FOXO3B: variants seen among roughly 807,000 people sequenced by gnomAD.
FOXO3B encodes forkhead box protein O3B.
FOXO3B carries 15 observed loss-of-function variants against 21.9 expected under a neutral mutation model. The ratio of observed to expected loss-of-function variants is 0.68; its 90% CI spans 0.46 to 1.05. The LOEUF (loss-of-function observed/expected upper bound fraction) is 1.05. Ranked by LOEUF, FOXO3B falls within the 50% of genes least tolerant of loss-of-function variation. The pLI, the probability that FOXO3B is intolerant of heterozygous loss-of-function variation, is 0.00. For missense variants in FOXO3B, 293 were observed against 435.5 expected, an observed-to-expected ratio of 0.67 and a Z score of 2.91; for synonymous variants, 135 against 213.6, an observed-to-expected ratio of 0.63 and a Z score of 3.21.
Position 18,671,965 on chromosome 17 carries a change from C to G in FOXO3B, c.*344G>C, listed in dbSNP as rs2032375492. 1.9e-6 allele frequency: 3 copies of G among 1,613,398 alleles called. No homozygotes were observed. Among genetic ancestry groups the G allele is most frequent in the Non-Finnish European group, 2.5e-6 (3 of 1,179,704 alleles). On this transcript the variant is annotated 3_prime_UTR_variant, in exon 4 of 4. Transcript: ENST00000395675. ...TGCCATGATGGGCGACAGGCGGCCA[C>G]TGACTGTGCTGGCGTTAGAATTGGT...
chr17:18,672,015 A>C lies in FOXO3B; in HGVS notation c.*294T>G. The C allele has an allele frequency of 6.2e-7, 1 of 1,612,004 alleles. No individual in the cohort carries two copies. Among genetic ancestry groups the C allele is most frequent in the Non-Finnish European group, 8.5e-7 (1 of 1,179,072 alleles). Reference sequence around the variant, plus strand: ...TGCGTGAACGGAAGTCCGTCCACGCATCCAGCTCATCACTGCTGCGTGACG... The same window carrying C: ...TGCGTGAACGGAAGTCCGTCCACGCCTCCAGCTCATCACTGCTGCGTGACG... On this transcript the variant is annotated 3_prime_UTR_variant, in exon 4 of 4. Transcript: ENST00000395675. The surrounding 1 kb of genome is among the most constrained non-coding windows in gnomAD (Gnocchi z 4.2).
intron 3 of FOXO3B, 73 bp downstream of exon 3, chr17:18,680,668 C>T: frequency 7.3e-7 from 1 of 1,361,992 alleles, no homozygotes; most frequent in East Asian, 2.3e-5. Flanking sequence ...AGAAACTCCA[C>T]ATCACAAAGA....
At position 18,670,175 on chromosome 17, in the gene FOXO3B, A is replaced by T. The variant is rs1421561564; in HGVS notation, c.*2134T>A. On this transcript the variant is annotated 3_prime_UTR_variant, in exon 4 of 4. Coordinates refer to ENST00000395675, the MANE Select transcript of FOXO3B (RefSeq NM_001368135.1). ...ATCACCCTGACTCAGAACTGGAAAC[A>T]CACTGGGCTGGACGCTGTGCTCCAC... 1.3e-5 allele frequency among the ~76,000 whole-genome samples: 2 copies of T among 152,230 alleles called. No homozygotes were observed. The highest frequency in any genetic ancestry group is 4.8e-5 in the African/African-American group (2 of 41,460).
At chr17:18,676,473 T>C (rs898238421) in intron 3 of FOXO3B, among the ~76,000 whole-genome samples, 11 of 152,184 alleles carry the variant, frequency 7.2e-5, no homozygotes, top group Non-Finnish European at 1.6e-4. Context: ...ATAAACATAA[T>C]TCATATATAT....
At position 18,670,475 on chromosome 17, in the gene FOXO3B, T is replaced by A. The variant is rs934601725; in HGVS notation, c.*1834A>T. On this transcript the variant is annotated 3_prime_UTR_variant, in exon 4 of 4. Transcript: ENST00000395675. ...ATTTTAACAGAAAAATACCGCAAGT[T>A]AATGCATGTGAAAAACTCAGAAAGT... 6.6e-6 allele frequency among the ~76,000 whole-genome samples: 1 copy of A among 152,188 alleles called. No homozygotes were observed. Among genetic ancestry groups the A allele is most frequent in the Non-Finnish European group, 1.5e-5 (1 of 68,030 alleles).
intron 3 of FOXO3B, among the ~76,000 whole-genome samples, chr17:18,676,469 A>G (rs2032483855): frequency 6.6e-6 from 1 of 152,252 alleles, no homozygotes; most frequent in Non-Finnish European, 1.5e-5. Context: ...ATGAATAAAC[A>G]TAATTCATAT....
rs545435991 is a variant in FOXO3B, at chr17:18,682,231, C to A, written c.-223G>T. On this transcript the variant is annotated 5_prime_UTR_variant, in exon 1 of 4. Transcript: ENST00000395675. ...CCCATCCCGGGCCTCACAAAGGGGACGAACTTCTTTGGCCAGCTCGGAGTC... is the reference window on the plus strand; with the variant it reads ...CCCATCCCGGGCCTCACAAAGGGGAAGAACTTCTTTGGCCAGCTCGGAGTC... The A allele has an allele frequency of 8.0e-5, 54 of 677,374 alleles. No individual in the cohort carries two copies. The African/African-American group carries it at 9.0e-4, about 11-fold the overall frequency. The allele number at this position is 677,374 out of a possible 1,614,324, so 42.0% of individuals were successfully genotyped here.
At chr17:18,675,001 A>T (rs1216554551) in intron 3 of FOXO3B, among the ~76,000 whole-genome samples, 2 of 152,184 alleles carry the variant, frequency 1.3e-5, no homozygotes, top group Non-Finnish European at 2.9e-5. Context: ...TAACTCAGTG[A>T]TATTACCTCC....
At chr17:18,675,992 A>G (rs1333789132) in intron 3 of FOXO3B, among the ~76,000 whole-genome samples, 1 of 152,180 alleles carries the variant, frequency 6.6e-6, no homozygotes, top group African/African-American at 2.4e-5. Flanking sequence ...AGAAGAACCA[A>G]TTTCTTCTCA....
At position 18,668,844 on chromosome 17, in the gene FOXO3B, G is replaced by T. The variant is rs2032313394; in HGVS notation, c.*3465C>A. ...TTCTTGCATACAGCACATTACTAAA[G>T]AATCCAGGAAGTGGCTAGCATTATT... On this transcript the variant is annotated 3_prime_UTR_variant, in exon 4 of 4. Coordinates refer to ENST00000395675, the MANE Select transcript of FOXO3B (RefSeq NM_001368135.1). The T allele has an allele frequency of 6.6e-6, 1 of 152,108 alleles. No homozygotes were observed. The highest frequency in any genetic ancestry group is 2.4e-5 in the African/African-American group (1 of 41,404). The allele number at this position is 152,108 out of a possible 1,614,324, so 9.4% of individuals were successfully genotyped here. A position where few individuals can be genotyped will look rare whatever the true frequency, so the allele number is the denominator to read the frequency against.
At chr17:18,674,487 G>A (rs1413466031) in intron 3 of FOXO3B, among the ~76,000 whole-genome samples, 3 of 150,612 alleles carry the variant, frequency 2.0e-5, no homozygotes, top group Non-Finnish European at 4.4e-5. Flanking sequence ...TTAGCCGGGT[G>A]TGGTGGCGGG....
At position 18,673,059 on chromosome 17, in the gene FOXO3B, G is replaced by T. The variant is rs1162037731; in HGVS notation, c.127-4C>A. On this transcript the variant is annotated splice_region_variant and splice_polypyrimidine_tract_variant and intron_variant, in intron 3 of 3. Transcript: ENST00000395675. Reference sequence around the variant, plus strand: ...GCGCCGCCGCCGCCGCCGCCGCCTGGGGAAGCACGAGAGAAGAGAGAAGGA... The same window carrying T: ...GCGCCGCCGCCGCCGCCGCCGCCTGTGGAAGCACGAGAGAAGAGAGAAGGA... The T allele has an allele frequency of 1.4e-6, 2 of 1,459,844 alleles. No homozygotes were observed. Among genetic ancestry groups the T allele is most frequent in the African/African-American group, 3.1e-5 (2 of 63,722 alleles). 90.4% of individuals were successfully genotyped at this position (1,459,844 alleles called of 1,614,324 possible). A position where few individuals can be genotyped will look rare whatever the true frequency, so the allele number is the denominator to read the frequency against.
chr17:18,671,649 G>A lies in FOXO3B; in HGVS notation c.*660C>T. 1 of 1,613,964 alleles carries A rather than the reference G, an allele frequency of 6.2e-7. No homozygotes were observed. The highest frequency in any genetic ancestry group is 8.5e-7 in the Non-Finnish European group (1 of 1,180,026). ...CACCGTGCTGTTAAAGGAGCTGGTT[G>A]GGGAGCTCAGGCCCGAGCCCTTGGT... On this transcript the variant is annotated 3_prime_UTR_variant, in exon 4 of 4. Coordinates refer to ENST00000395675, the MANE Select transcript of FOXO3B (RefSeq NM_001368135.1).
chr17:18,677,749 G>A lies in FOXO3B; in HGVS notation c.126+2992C>T, dbSNP rs772030145. The A allele has an allele frequency of 1.6e-4, 251 of 1,521,412 alleles. 7 individuals carry two copies. Among genetic ancestry groups the A allele is most frequent in the Admixed American group, 3.2e-4 (18 of 55,656 alleles). 94.2% of individuals were successfully genotyped at this position (1,521,412 alleles called of 1,614,324 possible). Reference sequence around the variant, plus strand: ...AAGACGGACAAGAAGCGGGCGCTACGGCGGCTGTAGTGGGCTCTCTTCCTC... The same window carrying A: ...AAGACGGACAAGAAGCGGGCGCTACAGCGGCTGTAGTGGGCTCTCTTCCTC... On this transcript the variant is annotated intron_variant, in intron 3 of 3. Coordinates refer to ENST00000395675, the MANE Select transcript of FOXO3B (RefSeq NM_001368135.1).
chr17:18,676,725 CA>C (rs1232603434), intron 3 of FOXO3B, among the ~76,000 whole-genome samples: 7 of 150,166 alleles, frequency 4.7e-5, no homozygotes, highest in Non-Finnish European at 1.0e-4. Context: ...TTTTGAGACA[CA>C]GTCTCCCTCT....
At chr17:18,674,639 A>AAAGC (rs61684359) in intron 3 of FOXO3B, among the ~76,000 whole-genome samples, 11 of 121,408 alleles carry the variant, frequency 9.1e-5, no homozygotes, top group African/African-American at 3.5e-4. Context: ...AAAAAAAAAA[A>AAAGC]GGGGGGGGGG....
intron 3 of FOXO3B, among the ~76,000 whole-genome samples, chr17:18,676,914 G>A (rs1019830523): frequency 6.6e-6 from 1 of 152,212 alleles, no homozygotes; most frequent in African/African-American, 2.4e-5. Context: ...TGTTGGCCAG[G>A]CTGGTCTCAA....
chr17:18,676,912 AG>A, intron 3 of FOXO3B, among the ~76,000 whole-genome samples: 1 of 152,376 alleles, frequency 6.6e-6, no homozygotes, highest in East Asian at 1.9e-4. Context: ...CATGTTGGCC[AG>A]GCTGGTCTCA....
chr17:18,678,999 C>A lies in FOXO3B; in HGVS notation c.126+1742G>T, dbSNP rs531570455. ...AAGAGAATCTGCCCTTTTTCTCTGG[C>A]CTTCAACACAGGAAGATGTAAGCCT... On this transcript the variant is annotated intron_variant, in intron 3 of 3. Transcript: ENST00000395675. Among the ~76,000 whole-genome samples, 36 of 151,540 alleles carry A rather than the reference C, an allele frequency of 2.4e-4. No homozygotes were observed. In the East Asian group the frequency reaches 6.0e-3, roughly 25 times the overall value.
Sources: allele counts gnomAD v4.1 joint callset (sites outside exome capture counted in the v4.1 genomes callset), GRCh38; gene constraint gnomAD v4.1.1; non-coding constraint Gnocchi (gnomAD v3.1); transcripts MANE v1.5; gene names NCBI Gene and HGNC (gene_info 2026-07-23, HGNC 2026-07-21).